The following MKLN1 variants were observed in gnomAD, a reference collection of about 807,000 sequenced individuals.
The protein encoded by MKLN1 is muskelin 1.
A neutral mutation model predicts 99.0 loss-of-function variants in MKLN1; 18 were observed. That is an observed-to-expected ratio of 0.18 (90% confidence interval 0.13 to 0.27). The LOEUF is 0.27. Ranked by LOEUF, MKLN1 falls within the 10% of genes least tolerant of loss-of-function variation. The probability of loss-of-function intolerance (pLI) is 1.00; values close to 1 mark genes in which losing one functional copy is unlikely to be tolerated. For missense variants in MKLN1, 621 were observed against 875.9 expected, an observed-to-expected ratio of 0.71 and a Z score of 3.67; for synonymous variants, 288 against 293.2, an observed-to-expected ratio of 0.98 and a Z score of 0.18.
At chr7:131,298,772 GT>G (rs1356328097) in intron 3 of MKLN1, among the ~76,000 whole-genome samples, 1 of 152,146 alleles carries the variant, frequency 6.6e-6, no homozygotes, top group South Asian at 2.1e-4. Flanking sequence ...ACCCACTCTA[GT>G]TTGTTATTAA....
At chr7:131,408,076 ATTG>A (rs1275660085) in intron 6 of MKLN1, among the ~76,000 whole-genome samples, 2 of 151,976 alleles carry the variant, frequency 1.3e-5, no homozygotes, top group African/African-American at 4.8e-5. Context: ...TAGGTTAAGT[ATTG>A]TTGTTATTTC....
intron 12 of MKLN1, among the ~76,000 whole-genome samples, chr7:131,462,634 T>C (rs964460736): frequency 1.3e-5 from 2 of 152,206 alleles, no homozygotes; most frequent in Non-Finnish European, 2.9e-5. Flanking sequence ...CATTTAGTAA[T>C]TGTTATATTC....
intron 3 of MKLN1, among the ~76,000 whole-genome samples, chr7:131,317,235 C>A (rs190782192): frequency 2.0e-5 from 3 of 152,112 alleles, no homozygotes; most frequent in Admixed American, 1.3e-4. Context: ...AAGGGAAGCC[C>A]GTCAGACTAA....
chr7:131,243,834 T>C (rs1184425700), intron 3 of MKLN1, among the ~76,000 whole-genome samples: 1 of 152,086 alleles, frequency 6.6e-6, no homozygotes, highest in East Asian at 1.9e-4. Context: ...GCCAACATGG[T>C]GAAACCCCGT....
chr7:131,345,135 C>T (rs929209923), intron 1 of MKLN1, among the ~76,000 whole-genome samples: 2 of 152,108 alleles, frequency 1.3e-5, no homozygotes, highest in South Asian at 4.1e-4. Context: ...TTAATGATAG[C>T]TCGTTATGCG....
intron 3 of MKLN1, among the ~76,000 whole-genome samples, chr7:131,277,089 A>G (rs980653554): frequency 6.6e-6 from 1 of 152,196 alleles, no homozygotes; most frequent in South Asian, 2.1e-4. Flanking sequence ...TTGTACAAGT[A>G]TCTGTACTCA....
chr7:131,491,236 C>T lies in MKLN1; in HGVS notation c.*3508C>T, dbSNP rs1387017276. 1 of 151,980 alleles carries T rather than the reference C, an allele frequency of 6.6e-6. No individual in the cohort carries two copies. Among genetic ancestry groups the T allele is most frequent in the African/African-American group, 2.4e-5 (1 of 41,388 alleles). 9.4% of individuals were successfully genotyped at this position (151,980 alleles called of 1,614,324 possible). A position where few individuals can be genotyped will look rare whatever the true frequency, so the allele number is the denominator to read the frequency against. The stretch of plus-strand genomic sequence containing the variant: ...ATCTAACTATTAAAAAAAAAACACC[C>T]TTCCTAACCCTTCTTTTCTTAAAAT... On this transcript the variant is annotated 3_prime_UTR_variant, in exon 18 of 18. Transcript: ENST00000352689.
At chr7:131,301,146 T>G (rs772578179) in intron 3 of MKLN1, among the ~76,000 whole-genome samples, 8 of 152,208 alleles carry the variant, frequency 5.3e-5, no homozygotes, top group Non-Finnish European at 1.0e-4. Context: ...GTAATTGGTT[T>G]GGGATGTGGG....
intron 12 of MKLN1, among the ~76,000 whole-genome samples, chr7:131,452,058 A>G (rs1304413238): frequency 6.6e-6 from 1 of 152,148 alleles, no homozygotes; most frequent in East Asian, 1.9e-4. Context: ...TTTGATTTTT[A>G]AATTGTGTCC....
intron 1 of MKLN1, among the ~76,000 whole-genome samples, chr7:131,115,768 C>A (rs1795267470): frequency 6.6e-6 from 1 of 152,186 alleles, no homozygotes; most frequent in Non-Finnish European, 1.5e-5. Context: ...ACCCTATATA[C>A]TTCCTTTTCC....
intron 3 of MKLN1, among the ~76,000 whole-genome samples, chr7:131,246,422 G>T (rs1797490373): frequency 1.3e-5 from 2 of 152,122 alleles, no homozygotes; most frequent in Middle Eastern, 3.2e-3. Flanking sequence ...GTCTAGTCTG[G>T]GTTATCTTAG....
intron 1 of MKLN1, among the ~76,000 whole-genome samples, chr7:131,130,885 C>T (rs2116225386): frequency 1.3e-5 from 2 of 151,796 alleles, no homozygotes; most frequent in East Asian, 3.9e-4. Context: ...AGACCTGTCA[C>T]TACAAACAAT....
intron 1 of MKLN1, among the ~76,000 whole-genome samples, chr7:131,118,378 A>G (rs760887095): frequency 2.0e-5 from 3 of 152,018 alleles, no homozygotes; most frequent in Non-Finnish European, 4.4e-5. Flanking sequence ...ACATGGTGAA[A>G]CCCCATCTCT....
chr7:131,314,699 G>T (rs1455724344), intron 3 of MKLN1, among the ~76,000 whole-genome samples: 1 of 152,068 alleles, frequency 6.6e-6, no homozygotes, highest in Non-Finnish European at 1.5e-5. Context: ...TGGGATTACA[G>T]GCTTGAGCCA....
chr7:131,472,947 C>CA (rs34420594), intron 16 of MKLN1, among the ~76,000 whole-genome samples: 274 of 81,066 alleles, frequency 3.4e-3, no homozygotes, highest in Non-Finnish European at 4.8e-3. Flanking sequence ...GATTCCATCT[C>CA]AAAAAAAAAA....
intron 9 of MKLN1, among the ~76,000 whole-genome samples, chr7:131,432,380 GTAAT>G (rs1165973678): frequency 2.0e-5 from 3 of 152,102 alleles, no homozygotes; most frequent in East Asian, 3.9e-4. Flanking sequence ...AATGCAATAA[GTAAT>G]TATTTTAAAA....
chr7:131,426,240 AG>A (rs1465025473), intron 8 of MKLN1, among the ~76,000 whole-genome samples: 2 of 152,234 alleles, frequency 1.3e-5, no homozygotes, highest in Admixed American at 1.3e-4. Context: ...TTGAGAACCC[AG>A]AGCCCAAGAG....
intron 3 of MKLN1, among the ~76,000 whole-genome samples, chr7:131,293,770 C>T (rs533696451): frequency 6.6e-6 from 1 of 152,328 alleles, no homozygotes; most frequent in African/African-American, 2.4e-5. Flanking sequence ...CACGCCACTG[C>T]TCTCTAGCCT....
At chr7:131,288,847 G>GT (rs749049964) in intron 3 of MKLN1, among the ~76,000 whole-genome samples, 4 of 151,964 alleles carry the variant, frequency 2.6e-5, no homozygotes, top group African/African-American at 4.8e-5. Flanking sequence ...TTCTCTCTGT[G>GT]TATCTTTTAG....
Sources: allele counts gnomAD v4.1 joint callset (sites outside exome capture counted in the v4.1 genomes callset), GRCh38; gene constraint gnomAD v4.1.1; transcripts MANE v1.5; gene names NCBI Gene and HGNC (gene_info 2026-07-23, HGNC 2026-07-21).